SIK3: variants seen among roughly 807,000 people sequenced by gnomAD.
SIK3 encodes the protein SIK family kinase 3.
In SIK3, 28 loss-of-function variants were observed where a neutral mutation model predicts 144.2. The observed-to-expected ratio is 0.19, with a 90% CI of 0.14 to 0.27. SIK3 has a LOEUF of 0.27. SIK3 is among the 10% of genes least tolerant of loss of function. The probability of loss-of-function intolerance (pLI) is 1.00; values close to 1 mark genes in which losing one functional copy is unlikely to be tolerated. For synonymous variants in SIK3, 686 were observed against 676.3 expected (o/e 1.01, Z -0.22); for missense variants, 1,319 against 1,776.0 (o/e 0.74, Z 4.62).
intron 1 of SIK3, among the ~76,000 whole-genome samples, chr11:116,964,021 T>G (rs1348055615): frequency 1.3e-5 from 2 of 152,136 alleles, no homozygotes. Context: ...GCCACATTCT[T>G]GGGAAGATCC....
At chr11:117,083,298 T>C (rs562711857) in intron 1 of SIK3, among the ~76,000 whole-genome samples, 1 of 152,296 alleles carries the variant, frequency 6.6e-6, no homozygotes, top group South Asian at 2.1e-4. Flanking sequence ...ATGAGTAACA[T>C]GCTTCAAACA....
At chr11:117,040,464 T>A (rs904337513) in intron 1 of SIK3, among the ~76,000 whole-genome samples, 11 of 152,206 alleles carry the variant, frequency 7.2e-5, no homozygotes, top group African/African-American at 2.4e-4. Flanking sequence ...CTTCTGAAGC[T>A]CGAAATCTAA....
At chr11:116,884,868 G>A (rs11827828) in intron 6 of SIK3, among the ~76,000 whole-genome samples, 24,342 of 152,036 alleles carry the variant, frequency 0.16, 2,042 homozygotes, top group African/African-American at 0.18. Flanking sequence ...AGTAAGATCC[G>A]ACTCATAAAA....
At chr11:116,884,283 C>T (rs1256686784) in intron 6 of SIK3, among the ~76,000 whole-genome samples, 4 of 151,110 alleles carry the variant, frequency 2.6e-5, no homozygotes, top group Admixed American at 2.6e-4. Context: ...AACCCCTGGG[C>T]TCAAGTGATC....
chr11:117,021,943 AAAAAAAAAAAAAAAAAAAC>A (rs1951788964), intron 1 of SIK3, among the ~76,000 whole-genome samples: 1 of 126,400 alleles, frequency 7.9e-6, no homozygotes, highest in African/African-American at 3.4e-5. Context: ...AAAAAAAAAA[AAAAAAAAAAAAAAAAAAAC>A]CTAAAAATAA....
chr11:116,980,262 C>G (rs1299574003), intron 1 of SIK3, among the ~76,000 whole-genome samples: 1 of 152,170 alleles, frequency 6.6e-6, no homozygotes, highest in Non-Finnish European at 1.5e-5. Flanking sequence ...AATCATCTTA[C>G]AGGGGTGTCC....
intron 4 of SIK3, among the ~76,000 whole-genome samples, chr11:116,909,667 G>C (rs920976751): frequency 1.3e-5 from 2 of 152,202 alleles, no homozygotes; most frequent in Non-Finnish European, 2.9e-5. Flanking sequence ...TAGGGCTTTT[G>C]AGGGCAGAGG....
intron 1 of SIK3, among the ~76,000 whole-genome samples, chr11:117,086,361 A>T (rs1311945264): frequency 1.3e-5 from 2 of 152,190 alleles, no homozygotes; most frequent in Non-Finnish European, 2.9e-5. Flanking sequence ...TAATCTCTGA[A>T]ATTCTCACGC....
At chr11:116,989,653 T>C (rs938983358) in intron 1 of SIK3, among the ~76,000 whole-genome samples, 2 of 152,094 alleles carry the variant, frequency 1.3e-5, no homozygotes, top group Non-Finnish European at 2.9e-5. Context: ...AATGAAAAAT[T>C]AGACTTGACT....
chr11:117,078,112 C>G (rs1487020338), intron 1 of SIK3, among the ~76,000 whole-genome samples: 1 of 152,200 alleles, frequency 6.6e-6, no homozygotes, highest in African/African-American at 2.4e-5. Flanking sequence ...GTTCCATTAG[C>G]TCAGTTCCCT....
At chr11:117,024,979 C>A (rs1210174365) in intron 1 of SIK3, among the ~76,000 whole-genome samples, 1 of 151,890 alleles carries the variant, frequency 6.6e-6, no homozygotes, top group East Asian at 1.9e-4. Flanking sequence ...CTTTAAAAAA[C>A]AAAAACAAAA....
At chr11:116,929,689 T>C (rs575107127) in intron 3 of SIK3, among the ~76,000 whole-genome samples, 2 of 152,216 alleles carry the variant, frequency 1.3e-5, no homozygotes, top group Non-Finnish European at 2.9e-5. Context: ...CTCTGTTGCA[T>C]GCTATACCCA....
At position 116,875,229 on chromosome 11, in the gene SIK3, T is replaced by C. The variant is rs1438935559; in HGVS notation, c.1356A>G (p.Glu452=). 3.1e-6 allele frequency: 5 copies of C among 1,614,186 alleles called. No homozygotes were observed. In the South Asian group the frequency reaches 4.4e-5, roughly 14 times the overall value. Residue 452 remains glutamate (E), a synonymous_variant, in exon 11 of 25, where the codon GAA becomes GAG. Coordinates refer to ENST00000445177, the MANE Select transcript of SIK3 (RefSeq NM_001366686.3). ...GTLNLDSDEG[E]EPSPEALVRY... ...GCACCAATGCTTCAGGGGAAGGCTC[T>C]TCACCCTCATCACTGTCCAAATTCA...
In SIK3 at chr11:116,858,217, C is replaced by G; in HGVS notation, c.3248G>C (p.Gly1083Ala). Residue 1083 changes from glycine to alanine, a missense_variant, in exon 21 of 25, where the codon GGG (glycine) becomes GCG (alanine). Around this residue, in one of 8 missense-constraint regions of SIK3, gnomAD observed 646 missense variants for 763.7 expected, o/e 0.85. Coordinates refer to ENST00000445177, the MANE Select transcript of SIK3 (RefSeq NM_001366686.3). The surrounding 1 kb of genome is among the most constrained non-coding windows in gnomAD (Gnocchi z 5.4). ...CTGGCGCTCTGTCATGCTCTGTCCCCCAAGGCTGGGAGCCAGACTCCCCGC... is the reference window on the plus strand; with the variant it reads ...CTGGCGCTCTGTCATGCTCTGTCCCGCAAGGCTGGGAGCCAGACTCCCCGC... ...GDAGSLAPSL[G>A]GQSMTERQAL... 1 of 1,614,148 alleles carries G rather than the reference C, an allele frequency of 6.2e-7. No homozygotes were observed. The highest frequency in any genetic ancestry group is 8.5e-7 in the Non-Finnish European group (1 of 1,180,018).
chr11:116,877,886 C>T (rs187850998), intron 6 of SIK3, among the ~76,000 whole-genome samples: 38 of 151,898 alleles, frequency 2.5e-4, no homozygotes, highest in Non-Finnish European at 5.2e-4. Flanking sequence ...GAGCATTTTA[C>T]AATTATTATT....
rs561855952 is a variant in SIK3 at position 116,916,057 on chromosome 11, C to T, written c.616+11162G>A. Among the ~76,000 whole-genome samples the T allele has an allele frequency of 2.5e-3, 385 of 152,268 alleles. 2 individuals carry two copies. The highest frequency in any genetic ancestry group is 9.0e-3 in the African/African-American group (375 of 41,538). ...CCTAAGTAATTATTTCATTTATTAA[C>T]TTCTAAAAAATAGAAAAGTCATTAT... On this transcript the variant is annotated intron_variant, in intron 4 of 24. Transcript: ENST00000445177.
intron 4 of SIK3, among the ~76,000 whole-genome samples, chr11:116,898,348 A>C (rs76988950): frequency 2.2e-4 from 33 of 152,092 alleles, no homozygotes; most frequent in African/African-American, 4.3e-4. Context: ...TGTATATGTG[A>C]CACATTTTCT....
At position 117,038,794 on chromosome 11, in the gene SIK3, A is replaced by T. The variant is rs559092737; in HGVS notation, c.273+59349T>A. On this transcript the variant is annotated intron_variant, in intron 1 of 24. Coordinates refer to ENST00000445177, the MANE Select transcript of SIK3 (RefSeq NM_001366686.3). ...GCCAGGCGCAGTGGCTCATGCCTGT[A>T]ATCCCAGCACTTTGGGAGGCGGAGG... is the stretch of plus-strand genomic sequence containing the variant. Among the ~76,000 whole-genome samples the T allele has an allele frequency of 5.9e-5, 9 of 152,230 alleles. No individual in the cohort carries two copies. In the South Asian group the frequency reaches 1.5e-3, roughly 25 times the overall value.
At position 116,849,154 on chromosome 11, in the gene SIK3, C is replaced by G; in HGVS notation, c.3785G>C (p.Arg1262Thr). Residue 1262 changes from arginine (R) to threonine (T), a missense_variant, in exon 22 of 25, where the codon AGA becomes ACA. By Grantham distance (71) the Arg-to-Thr change is moderately conservative. Around this residue, in one of 8 missense-constraint regions of SIK3, gnomAD observed 646 missense variants for 763.7 expected, o/e 0.85. Transcript: ENST00000445177. The surrounding 1 kb of genome is among the most constrained non-coding windows in gnomAD (Gnocchi z 4.2). ...HEHHRPRALQ[R>T]HHTIQNSDDA... ...GTCGCTGTTCTGGATCGTGTGGTGT[C>G]TCTGGAGGGCCCGGGGCCTGTGGTG... 1 of 1,611,354 alleles carries G rather than the reference C, an allele frequency of 6.2e-7. No homozygotes were observed. The highest frequency in any genetic ancestry group is 8.5e-7 in the Non-Finnish European group (1 of 1,178,018).
Sources: allele counts gnomAD v4.1 joint callset (sites outside exome capture counted in the v4.1 genomes callset), GRCh38; gene constraint gnomAD v4.1.1; regional missense constraint gnomAD v4.1.1; non-coding constraint Gnocchi (gnomAD v3.1); transcripts MANE v1.5; gene names NCBI Gene and HGNC (gene_info 2026-07-23, HGNC 2026-07-21).